WASF1: variants seen among roughly 807,000 people sequenced by gnomAD.
The protein encoded by WASF1 is actin-binding protein WASF1.
WASF1 carries 7 observed loss-of-function variants against 50.5 expected under a neutral mutation model. The observed-to-expected ratio is 0.14, with a 90% CI of 0.08 to 0.26. The LOEUF (loss-of-function observed/expected upper bound fraction) is 0.26. Among genes scored for constraint, WASF1 ranks in the 10% least tolerant of loss-of-function variants. WASF1 has a pLI of 1.00. For synonymous variants in WASF1, 205 were observed against 244.0 expected, an observed-to-expected ratio of 0.84 and a Z score of 1.49; for missense variants, 470 against 694.7, an observed-to-expected ratio of 0.68 and a Z score of 3.64.
At chr6:110,177,442 A>G (rs1426602095) in intron 2 of WASF1, among the ~76,000 whole-genome samples, 1 of 152,132 alleles carries the variant, frequency 6.6e-6, no homozygotes, top group East Asian at 1.9e-4. Flanking sequence ...TTAATCAGCC[A>G]TTCTAATATG....
At chr6:110,122,442 CAAA>C (rs1320823892) in intron 4 of WASF1, among the ~76,000 whole-genome samples, 4 of 152,036 alleles carry the variant, frequency 2.6e-5, no homozygotes, top group African/African-American at 9.7e-5. Context: ...AATGAAGAAG[CAAA>C]AAAGTCAGAA....
rs756069845 is a variant in WASF1, at chr6:110,108,620, C to T, written c.330G>A (p.Gln110=). Residue 110 remains glutamine, a synonymous_variant, in exon 6 of 11, where the codon CAG becomes CAA. Coordinates refer to ENST00000392589, the MANE Select transcript of WASF1 (RefSeq NM_003931.3). ...TAGGCAAAGTCTTGCGATCGAAAAG[C>T]TGCTGGTCTTGAATTGTAGAACTTC... ...AFRSSTIQDQ[Q]LFDRKTLPIP... is the part of the protein sequence containing the mutation. The T allele has an allele frequency of 5.0e-6, 8 of 1,613,962 alleles. 1 individual carries two copies. In the South Asian group the frequency reaches 7.7e-5, roughly 16 times the overall value.
chr6:110,103,768 A>G (rs1339767011), intron 8 of WASF1, among the ~76,000 whole-genome samples: 1 of 152,208 alleles, frequency 6.6e-6, no homozygotes, highest in Non-Finnish European at 1.5e-5. Flanking sequence ...TTAGAGATCT[A>G]CTATGATGAC....
intron 2 of WASF1, among the ~76,000 whole-genome samples, chr6:110,172,570 T>C (rs1776764341): frequency 6.6e-6 from 1 of 151,964 alleles, no homozygotes. Flanking sequence ...TAAAGAAAAT[T>C]TAAATGCAAA....
chr6:110,141,058 T>C (rs982918539), intron 3 of WASF1, among the ~76,000 whole-genome samples: 6 of 152,176 alleles, frequency 3.9e-5, no homozygotes, highest in African/African-American at 1.4e-4. Context: ...GAATTTTCCA[T>C]TTAATATTTT....
At position 110,166,611 on chromosome 6, in the gene WASF1, C is replaced by T. The variant is rs73535848; in HGVS notation, c.-126-5879G>A. Among the ~76,000 whole-genome samples, 897 of 151,904 alleles carry T rather than the reference C, an allele frequency of 5.9e-3. 7 individuals are homozygous for T. Among genetic ancestry groups the T allele is most frequent in the African/African-American group, 0.021 (863 of 41,496 alleles). ...ACTGTGTCCTCAAGCAAAAATATTG[C>T]TAGTTGTATTTAATCTGTAAAATTT... On this transcript the variant is annotated intron_variant, in intron 2 of 10. Coordinates refer to ENST00000392589, the MANE Select transcript of WASF1 (RefSeq NM_003931.3).
At chr6:110,133,058 G>A (rs1019817642) in intron 3 of WASF1, among the ~76,000 whole-genome samples, 3 of 147,952 alleles carry the variant, frequency 2.0e-5, no homozygotes, top group African/African-American at 7.5e-5. Context: ...TGGAATTGGA[G>A]ACTATGACTG....
intron 4 of WASF1, among the ~76,000 whole-genome samples, chr6:110,117,088 A>G (rs1773848218): frequency 6.6e-6 from 1 of 152,172 alleles, no homozygotes; most frequent in Admixed American, 6.5e-5. Flanking sequence ...CGAAAAAAAA[A>G]ACAAAGCGCC....
chr6:110,119,638 T>C (rs1302274824), intron 4 of WASF1, among the ~76,000 whole-genome samples: 1 of 152,204 alleles, frequency 6.6e-6, no homozygotes, highest in Non-Finnish European at 1.5e-5. Context: ...CCATTCCTTC[T>C]AAAACTATTT....
chr6:110,169,855 T>C (rs988457359), intron 2 of WASF1, among the ~76,000 whole-genome samples: 8 of 152,166 alleles, frequency 5.3e-5, no homozygotes, highest in Admixed American at 1.3e-4. Flanking sequence ...ATGCCTAGCA[T>C]ATACAGGTGC....
At chr6:110,128,875 A>G (rs1024598482) in intron 3 of WASF1, among the ~76,000 whole-genome samples, 2 of 152,162 alleles carry the variant, frequency 1.3e-5, no homozygotes, top group Admixed American at 6.5e-5. Context: ...CACGAGGCCT[A>G]TTGTGAACTG....
At chr6:110,169,310 A>G (rs1250855297) in intron 2 of WASF1, among the ~76,000 whole-genome samples, 1 of 152,052 alleles carries the variant, frequency 6.6e-6, no homozygotes, top group African/African-American at 2.4e-5. Flanking sequence ...AAATATCCAA[A>G]ATCAAATTCA....
chr6:110,109,665 C>T (rs1402783798), intron 5 of WASF1, among the ~76,000 whole-genome samples: 2 of 151,744 alleles, frequency 1.3e-5, no homozygotes, highest in East Asian at 3.9e-4. Context: ...AATTCTCCTG[C>T]CTCAGCTTCC....
chr6:110,124,829 G>A (rs1285379582), intron 4 of WASF1, among the ~76,000 whole-genome samples: 1 of 152,156 alleles, frequency 6.6e-6, no homozygotes, highest in Non-Finnish European at 1.5e-5. Flanking sequence ...AGAATTGCTT[G>A]AACCTGGGAG....
chr6:110,172,491 A>G (rs1413841252), intron 2 of WASF1, among the ~76,000 whole-genome samples: 1 of 152,188 alleles, frequency 6.6e-6, no homozygotes, highest in African/African-American at 2.4e-5. Context: ...TTGGTTTAAA[A>G]AAAAATCAGT....
At chr6:110,178,371 A>G (rs974958232) in intron 2 of WASF1, among the ~76,000 whole-genome samples, 3 of 152,266 alleles carry the variant, frequency 2.0e-5, no homozygotes, top group African/African-American at 7.2e-5. Context: ...TAATTATGAT[A>G]TAATGCTATG....
chr6:110,117,406 A>T (rs1773862330), intron 4 of WASF1, among the ~76,000 whole-genome samples: 1 of 152,254 alleles, frequency 6.6e-6, no homozygotes, highest in South Asian at 2.1e-4. Context: ...GGAAGAAAGA[A>T]TATCAGTGAT....
chr6:110,166,349 G>A (rs1266092032), intron 2 of WASF1, among the ~76,000 whole-genome samples: 3 of 151,566 alleles, frequency 2.0e-5, no homozygotes, highest in Non-Finnish European at 4.4e-5. Flanking sequence ...AAAAATATCA[G>A]TGGTATTCCC....
chr6:110,143,667 G>A (rs976466171), intron 3 of WASF1, among the ~76,000 whole-genome samples: 3 of 152,010 alleles, frequency 2.0e-5, no homozygotes, highest in African/African-American at 7.2e-5. Context: ...TACATTAACA[G>A]TTAATAATTG....
Sources: gnomAD v4.1 joint callset for allele counts (sites outside exome capture counted in the v4.1 genomes callset) on GRCh38, gnomAD v4.1.1 for gene constraint, MANE v1.5 for transcripts, NCBI Gene and HGNC (gene_info 2026-07-23, HGNC 2026-07-21) for gene names.